The following MRPS12 variants were observed in gnomAD, a reference collection of about 807,000 sequenced individuals.
MRPS12 encodes the protein small ribosomal subunit protein uS12m.
A neutral mutation model predicts 8.4 loss-of-function variants in MRPS12; 7 were observed. The ratio of observed to expected loss-of-function variants is 0.83; its 90% confidence interval spans 0.47 to 1.56. MRPS12 has a LOEUF of 1.56. MRPS12 is among the 40% of genes most tolerant of loss of function. The pLI is 0.01. For missense variants in MRPS12, 200 were observed against 194.1 expected (o/e 1.03, Z -0.18); for synonymous variants, 84 against 84.1 (o/e 1.00, Z 0.01).
rs908899459 is a variant in MRPS12 at position 38,931,257 on chromosome 19, C to T, written c.-19-19C>T. On this transcript the variant is annotated intron_variant, in intron 1 of 2. Transcript: ENST00000308018. The stretch of plus-strand genomic sequence containing the variant: ...GGTCACTTTTTCCTCCTTTCTGAGT[C>T]TCTTATCCCCTACCACAGGGACGGC... The T allele has an allele frequency of 6.4e-6, 10 of 1,569,720 alleles. No homozygotes were observed. The highest frequency in any genetic ancestry group is 8.6e-6 in the Non-Finnish European group (10 of 1,160,624).
chr19:38,932,403 G>GCCCCCCAAGCGGCCGCCTCGGA lies in MRPS12; in HGVS notation c.121_142dup (p.Lys48ThrfsTer177), dbSNP rs755327252. 2.5e-6 allele frequency: 4 copies of GCCCCCCAAGCGGCCGCCTCGGA among 1,604,984 alleles called. No homozygotes were observed. The Admixed American group carries it at 6.7e-5, about 27-fold the overall frequency. On this transcript the variant is annotated frameshift_variant, in exon 3 of 3. Transcript: ENST00000308018. LOFTEE classifies it high-confidence loss of function. ...CCCTGAACCAGATGCACCGCCTGGG[G>GCCCCCCAAGCGGCCGCCTCGGA]CCCCCCAAGCGGCCGCCTCGGAAGC...
In MRPS12 at chr19:38,932,244, C is replaced by G. The variant is rs1260391515; in HGVS notation, c.50-89C>G. 3 of 1,370,986 alleles carry G rather than the reference C, an allele frequency of 2.2e-6. No individual in the cohort carries two copies. In the East Asian group the frequency reaches 7.1e-5, roughly 33 times the overall value. 84.9% of individuals were successfully genotyped at this position (1,370,986 alleles called of 1,614,324 possible). ...TGAACAAATGCATCTTTGTAAAGTG[C>G]TTTAAACAATGCCTAAAACACCAAA... is the stretch of plus-strand genomic sequence containing the variant. On this transcript the variant is annotated intron_variant, in intron 2 of 2. Transcript: ENST00000308018.
At chr19:38,931,112 C>G (rs550472130) in intron 1 of MRPS12, 114 bp downstream of exon 1, 1 of 682,992 alleles carries the variant, frequency 1.5e-6, no homozygotes, top group Non-Finnish European at 2.6e-6. Flanking sequence ...CAGAGCGAGG[C>G]TAAATTTACG....
chr19:38,930,971 C>T lies in MRPS12; in HGVS notation c.-47C>T, dbSNP rs1049171682. Reference sequence around the variant, plus strand: ...AGGCTAGAAGCTGGATTCAGCGTGTCCGCGACCTCACCTTTAGGTCCTGTG... The same window carrying T: ...AGGCTAGAAGCTGGATTCAGCGTGTTCGCGACCTCACCTTTAGGTCCTGTG... On this transcript the variant is annotated 5_prime_UTR_variant, in exon 1 of 3. Transcript: ENST00000308018. The T allele has an allele frequency of 9.8e-6, 6 of 613,146 alleles. No homozygotes were observed. The highest frequency in any genetic ancestry group is 1.7e-5 in the Non-Finnish European group (6 of 347,668). The allele number at this position is 613,146 out of a possible 1,614,324, so 38.0% of individuals were successfully genotyped here. A position where few individuals can be genotyped will look rare whatever the true frequency, so the allele number is the denominator to read the frequency against.
intron 2 of MRPS12, 24 bp downstream of exon 2, chr19:38,931,367 G>A: frequency 1.3e-6 from 2 of 1,575,444 alleles, no homozygotes. Context: ...TTGGGCTTCA[G>A]GGACGAGGCT....
At position 38,932,269 on chromosome 19, in the gene MRPS12, A is replaced by C; in HGVS notation, c.50-64A>C. 14 of 1,482,106 alleles carry C rather than the reference A, an allele frequency of 9.4e-6. No individual in the cohort carries two copies. The South Asian group carries it at 1.9e-4, about 21-fold the overall frequency. 91.8% of individuals were successfully genotyped at this position (1,482,106 alleles called of 1,614,324 possible). ...CTTTAAACAATGCCTAAAACACCAAAATTGAGTTGCTACTACTCTAAGATC... is the reference window on the plus strand; with the variant it reads ...CTTTAAACAATGCCTAAAACACCAACATTGAGTTGCTACTACTCTAAGATC... On this transcript the variant is annotated intron_variant, in intron 2 of 2. Coordinates refer to ENST00000308018, the MANE Select transcript of MRPS12 (RefSeq NM_033362.4).
chr19:38,932,438 CG>C lies in MRPS12; in HGVS notation c.157del (p.Glu53LysfsTer6). 1 of 1,611,812 alleles carries C rather than the reference CG, an allele frequency of 6.2e-7. No individual in the cohort carries two copies. Among genetic ancestry groups the C allele is most frequent in the African/African-American group, 1.3e-5 (1 of 75,014 alleles). ...PKRPPRKLGPTEGRPQLKGVV... is the reference protein window; with the variant it reads ...PKRPPRKLGPXEGRPQLKGVV... ...CGGCCGCCTCGGAAGCTGGGCCCCA[CG>C]GAAGGCCGGCCGCAGCTGAAGGGTG... On this transcript the variant is annotated frameshift_variant, in exon 3 of 3. Transcript: ENST00000308018. LOFTEE classifies it high-confidence loss of function.
At position 38,932,280 on chromosome 19, in the gene MRPS12, T is replaced by A. The variant is rs1328256399; in HGVS notation, c.50-53T>A. On this transcript the variant is annotated intron_variant, in intron 2 of 2. Transcript: ENST00000308018. ...GCCTAAAACACCAAAATTGAGTTGC[T>A]ACTACTCTAAGATCTGTTCTCTGGG... The A allele has an allele frequency of 4.0e-6, 6 of 1,489,512 alleles. No individual in the cohort carries two copies. The East Asian group carries it at 1.4e-4, about 34-fold the overall frequency. 92.3% of individuals were successfully genotyped at this position (1,489,512 alleles called of 1,614,324 possible). A position where few individuals can be genotyped will look rare whatever the true frequency, so the allele number is the denominator to read the frequency against.
At chr19:38,932,185 A>G (rs1421738338) in intron 2 of MRPS12, 148 bp from the exon 3 acceptor site, 2 of 696,388 alleles carry the variant, frequency 2.9e-6, no homozygotes, top group Admixed American at 3.6e-5. Flanking sequence ...TTGAAGAATA[A>G]AGAGTTACTT....
chr19:38,931,384 G>C, intron 2 of MRPS12, 41 bp downstream of exon 2: 1 of 1,537,182 alleles, frequency 6.5e-7, no homozygotes, highest in Non-Finnish European at 8.8e-7. Flanking sequence ...GGCTAGAGGG[G>C]GAGGGTTATT....
In MRPS12 at chr19:38,932,427, G is replaced by T. The variant is rs771322318; in HGVS notation, c.144G>T (p.Lys48Asn). 5.0e-6 allele frequency: 8 copies of T among 1,610,948 alleles called. No homozygotes were observed. The highest frequency in any genetic ancestry group is 3.3e-5 in the South Asian group (3 of 91,010). ...RLGPPKRPPR[K>N]LGPTEGRPQL... ...GGCCCCCCAAGCGGCCGCCTCGGAA[G>T]CTGGGCCCCACGGAAGGCCGGCCGC... Residue 48 changes from lysine to asparagine, a missense_variant, in exon 3 of 3, where the codon AAG (lysine) becomes AAT (asparagine). Lys to Asn is a moderately conservative substitution (Grantham distance 94, BLOSUM62 0). Coordinates refer to ENST00000308018, the MANE Select transcript of MRPS12 (RefSeq NM_033362.4).
rs1259326533 is a variant in MRPS12 at position 38,932,752 on chromosome 19, T to C, written c.*52T>C. Reference sequence around the variant, plus strand: ...CCCCTGCAGAACATGAACCTTCCGCTCCTGGCTGCCACAGGGTCCTCCGAT... The same window carrying C: ...CCCCTGCAGAACATGAACCTTCCGCCCCTGGCTGCCACAGGGTCCTCCGAT... On this transcript the variant is annotated 3_prime_UTR_variant, in exon 3 of 3. Transcript: ENST00000308018. 8 of 1,580,418 alleles carry C rather than the reference T, an allele frequency of 5.1e-6. No individual in the cohort carries two copies. The African/African-American group carries it at 9.4e-5, about 19-fold the overall frequency.
At chr19:38,932,115 G>A (rs1177189846) in intron 2 of MRPS12, among the ~76,000 whole-genome samples, 6 of 141,254 alleles carry the variant, frequency 4.2e-5, no homozygotes, top group African/African-American at 1.6e-4. Flanking sequence ...CAGCCTGGGC[G>A]ACAGAGTGAG....
chr19:38,931,290 G>T lies in MRPS12; in HGVS notation c.-5G>T. 6.2e-7 allele frequency: 1 copy of T among 1,604,172 alleles called. No individual in the cohort carries two copies. Among genetic ancestry groups the T allele is most frequent in the Non-Finnish European group, 8.5e-7 (1 of 1,175,732 alleles). On this transcript the variant is annotated 5_prime_UTR_variant, in exon 2 of 3. Transcript: ENST00000308018. The stretch of plus-strand genomic sequence containing the variant: ...CCCTACCACAGGGACGGCCCAGGTG[G>T]CAGGATGTCCTGGTCTGGCCTTCTC...
In MRPS12 at chr19:38,932,928, GC is replaced by G; in HGVS notation, c.*230del. 1.7e-6 allele frequency: 1 copy of G among 602,442 alleles called. No homozygotes were observed. Among genetic ancestry groups the G allele is most frequent in the Non-Finnish European group, 2.8e-6 (1 of 352,454 alleles). The allele number at this position is 602,442 out of a possible 1,614,324, so 37.3% of individuals were successfully genotyped here. A position where few individuals can be genotyped will look rare whatever the true frequency, so the allele number is the denominator to read the frequency against. ...CTTGGCTCCTGTGTTTAGAGGGGTG[GC>G]CTGAAGGACCTTTTCTGCTGGGACA... On this transcript the variant is annotated 3_prime_UTR_variant, in exon 3 of 3. Coordinates refer to ENST00000308018, the MANE Select transcript of MRPS12 (RefSeq NM_033362.4).
At chr19:38,932,174 C>T (rs762288038) in intron 2 of MRPS12, among the ~76,000 whole-genome samples, 159 bp from the exon 3 acceptor site, 1 of 151,650 alleles carries the variant, frequency 6.6e-6, no homozygotes, top group Non-Finnish European at 1.5e-5. Flanking sequence ...GTAATGCTTC[C>T]TTGAAGAATA....
At chr19:38,931,037 A>G (rs1041303014) in intron 1 of MRPS12, 39 bp downstream of exon 1, 6 of 594,356 alleles carry the variant, frequency 1.0e-5, no homozygotes, top group South Asian at 4.1e-5. Context: ...CTACCAGGCC[A>G]TCTCCCCAGT....
chr19:38,932,901 C>A lies in MRPS12; in HGVS notation c.*201C>A. On this transcript the variant is annotated 3_prime_UTR_variant, in exon 3 of 3. Transcript: ENST00000308018. ...TGCAAAGGGTGCCCCTCTGTCAACA[C>A]CCTTGGCTCCTGTGTTTAGAGGGGT... is the stretch of plus-strand genomic sequence containing the variant. 1.4e-6 allele frequency: 1 copy of A among 704,860 alleles called. No individual in the cohort carries two copies. Among genetic ancestry groups the A allele is most frequent in the East Asian group, 2.8e-5 (1 of 35,510 alleles). 43.7% of individuals were successfully genotyped at this position (704,860 alleles called of 1,614,324 possible).
intron 2 of MRPS12, 39 bp from the exon 3 acceptor site, chr19:38,932,294 C>A (rs1333285260): frequency 1.3e-6 from 2 of 1,498,626 alleles, no homozygotes; most frequent in Admixed American, 4.6e-5. Context: ...ACTCTAAGAT[C>A]TGTTCTCTGG....
Sources: gnomAD v4.1 joint callset for allele counts (sites outside exome capture counted in the v4.1 genomes callset) on GRCh38, gnomAD v4.1.1 for gene constraint, MANE v1.5 for transcripts, NCBI Gene and HGNC (gene_info 2026-07-23, HGNC 2026-07-21) for gene names.